The following RPS6KA2 variants were observed in gnomAD, a reference collection of about 807,000 sequenced individuals.
RPS6KA2 encodes ribosomal protein S6 kinase alpha-2.
RPS6KA2 carries 42 observed loss-of-function variants against 91.8 expected under a neutral mutation model. That is an observed-to-expected ratio of 0.46 (90% confidence interval 0.36 to 0.59). The LOEUF is 0.59. Among genes scored for constraint, RPS6KA2 ranks in the 20% least tolerant of loss-of-function variants. The pLI is 0.00. For synonymous variants in RPS6KA2, 414 were observed against 393.6 expected (o/e 1.05, Z -0.61); for missense variants, 798 against 978.5 (o/e 0.82, Z 2.46).
rs1789561510 is a variant in RPS6KA2 at position 166,702,726 on chromosome 6, G to A, written c.123+155474C>T. The A allele has an allele frequency of 2.4e-6, 3 of 1,266,740 alleles. No homozygotes were observed. In the South Asian group the frequency reaches 3.6e-5, roughly 15 times the overall value. The allele number at this position is 1,266,740 out of a possible 1,614,324, so 78.5% of individuals were successfully genotyped here. ...CGTCTGGGCAGTCCACGAACGCGTA[G>A]CCAATCTTCACCAGGAAGGGTCCCG... On this transcript the variant is annotated intron_variant, in intron 2 of 21. Transcript: ENST00000503859.
intron 2 of RPS6KA2, among the ~76,000 whole-genome samples, chr6:166,718,648 G>GAA (rs2128583554): frequency 6.6e-6 from 1 of 152,144 alleles, no homozygotes; most frequent in African/African-American, 2.4e-5. Flanking sequence ...ATGAGGACAT[G>GAA]CACCCGAGAA....
chr6:166,512,645 GGTGGTGACC>G (rs1366600921), intron 3 of RPS6KA2, among the ~76,000 whole-genome samples: 1 of 152,186 alleles, frequency 6.6e-6, no homozygotes, highest in African/African-American at 2.4e-5. Flanking sequence ...CGGGGGCCCA[GGTGGTGACC>G]GTGGTGTATG....
intron 2 of RPS6KA2, among the ~76,000 whole-genome samples, chr6:166,747,451 T>C (rs1245941144): frequency 6.6e-6 from 1 of 152,194 alleles, no homozygotes; most frequent in Non-Finnish European, 1.5e-5. Context: ...TTTCAAACTT[T>C]TGCACACCGA....
At chr6:166,549,437 T>TTCATCA (rs1554289305) in intron 1 of RPS6KA2, among the ~76,000 whole-genome samples, 2,263 of 152,296 alleles carry the variant, frequency 0.015, 47 homozygotes, top group African/African-American at 0.051. Context: ...TTCAACAAGC[T>TTCATCA]GCAGTACATC....
In RPS6KA2 at chr6:166,585,258, G is replaced by A. The variant is rs76902170; in HGVS notation, c.99+41663C>T. Among the ~76,000 whole-genome samples the A allele has an allele frequency of 6.9e-3, 1,051 of 152,282 alleles. 8 individuals are homozygous for A. The highest frequency in any genetic ancestry group is 0.024 in the African/African-American group (999 of 41,546). ...GAAACGAAGCCGTCCTCGCTGGGAT[G>A]GACTTTCAGTCTCACATCTTCAGCA... On this transcript the variant is annotated intron_variant, in intron 1 of 20. Coordinates refer to ENST00000265678, the MANE Select transcript of RPS6KA2 (RefSeq NM_021135.6).
intron 10 of RPS6KA2, among the ~76,000 whole-genome samples, chr6:166,484,044 C>G (rs970554711): frequency 6.6e-6 from 1 of 152,222 alleles, no homozygotes; most frequent in Non-Finnish European, 1.5e-5. Flanking sequence ...TCTGAGCAGG[C>G]ACTGCGGGGG....
chr6:166,531,604 C>T (rs1396005422), intron 2 of RPS6KA2, among the ~76,000 whole-genome samples: 1 of 152,118 alleles, frequency 6.6e-6, no homozygotes, highest in Non-Finnish European at 1.5e-5. Context: ...TTTTGAAGAC[C>T]AGCTGTTTAG....
chr6:166,415,569 C>G (rs149360892), intron 19 of RPS6KA2, among the ~76,000 whole-genome samples: 2 of 152,162 alleles, frequency 1.3e-5, no homozygotes, highest in African/African-American at 4.8e-5. Context: ...CCTGCAGCAG[C>G]GATCTTGACA....
In RPS6KA2 at chr6:166,798,057, T is replaced by G. The variant is rs553475707; in HGVS notation, c.123+60143A>C. Among the ~76,000 whole-genome samples, 34 of 152,362 alleles carry G rather than the reference T, an allele frequency of 2.2e-4. No homozygotes were observed. The South Asian group carries it at 7.0e-3, about 32-fold the overall frequency. On this transcript the variant is annotated intron_variant, in intron 2 of 21. Transcript: ENST00000503859. ...TACCGTTGGTTGGTCAGGTAGGCCA[T>G]GAGAACCAACCAGAGATCAAACAGA... is the stretch of plus-strand genomic sequence containing the variant.
Position 166,767,905 on chromosome 6 carries a change from TG to T in RPS6KA2, c.123+90294del, listed in dbSNP as rs1778364506. Among the ~76,000 whole-genome samples the T allele has an allele frequency of 1.3e-5, 2 of 152,012 alleles. No individual in the cohort carries two copies. Among genetic ancestry groups the T allele is most frequent in the Non-Finnish European group, 2.9e-5 (2 of 67,996 alleles). On this transcript the variant is annotated intron_variant, in intron 2 of 21. Transcript: ENST00000503859. This position sits in a 1 kb window ranked among gnomAD's most constrained non-coding sequence, Gnocchi z 4.6. ...GCTCTCACTGTTTGGGTGCAAACCT[TG>T]GGGGTTTTATTTTTCCACGACTGTG...
chr6:166,459,009 C>A lies in RPS6KA2; in HGVS notation c.1075+440G>T, dbSNP rs535362561. On this transcript the variant is annotated intron_variant, in intron 12 of 20. Transcript: ENST00000265678. This position sits in a 1 kb window ranked among gnomAD's most constrained non-coding sequence, Gnocchi z 4.9. ...ATCCAATTGCTGTGCTATTTAGTAG[C>A]CGATACTACTTTTCAAATGGGTTTC... is the stretch of plus-strand genomic sequence containing the variant. Among the ~76,000 whole-genome samples, 1 of 152,200 alleles carries A rather than the reference C, an allele frequency of 6.6e-6. No homozygotes were observed. The highest frequency in any genetic ancestry group is 1.9e-4 in the East Asian group (1 of 5,204).
intron 2 of RPS6KA2, among the ~76,000 whole-genome samples, chr6:166,840,538 G>A (rs577847199): frequency 3.9e-5 from 6 of 152,088 alleles, no homozygotes; most frequent in South Asian, 2.1e-4. Context: ...TCCTTTCCTC[G>A]CCATTTCTCC....
intron 2 of RPS6KA2, among the ~76,000 whole-genome samples, chr6:166,721,977 CAT>C (rs1386403275): frequency 6.6e-6 from 1 of 152,172 alleles, no homozygotes; most frequent in Non-Finnish European, 1.5e-5. Context: ...ACATTTCACA[CAT>C]ATAGACTCAT....
chr6:166,538,559 C>A, intron 2 of RPS6KA2, 109 bp downstream of exon 2: 1 of 657,144 alleles, frequency 1.5e-6, no homozygotes. Flanking sequence ...TTCCCGTGAT[C>A]GCAGCCCTGC....
intron 2 of RPS6KA2, among the ~76,000 whole-genome samples, chr6:166,683,314 C>T (rs1289371899): frequency 6.6e-6 from 1 of 152,214 alleles, no homozygotes; most frequent in Non-Finnish European, 1.5e-5. Flanking sequence ...TCTCCTAACT[C>T]AGAGTTACAT....
At chr6:166,487,842 G>A (rs776613747) in intron 10 of RPS6KA2, among the ~76,000 whole-genome samples, 3 of 152,178 alleles carry the variant, frequency 2.0e-5, no homozygotes, top group Non-Finnish European at 4.4e-5. Context: ...CTCACATTGT[G>A]AAATATGACT....
At chr6:166,714,775 G>C (rs1789965246) in intron 2 of RPS6KA2, among the ~76,000 whole-genome samples, 1 of 152,242 alleles carries the variant, frequency 6.6e-6, no homozygotes, top group South Asian at 2.1e-4. Context: ...CTCTGGATGG[G>C]AGAGAACAGA....
chr6:166,702,985 G>A (rs1789571198), intron 2 of RPS6KA2: 4 of 531,870 alleles, frequency 7.5e-6, no homozygotes, highest in South Asian at 5.1e-5. Context: ...GCACAAGAAC[G>A]AGGAGCAAAA....
In RPS6KA2 at chr6:166,437,256, T is replaced by A. The variant is rs1236378567; in HGVS notation, c.1333-4766A>T. 6.6e-6 allele frequency among the ~76,000 whole-genome samples: 1 copy of A among 151,968 alleles called. No homozygotes were observed. The highest frequency in any genetic ancestry group is 1.5e-5 in the Non-Finnish European group (1 of 67,994). On this transcript the variant is annotated intron_variant, in intron 14 of 20. Coordinates refer to ENST00000265678, the MANE Select transcript of RPS6KA2 (RefSeq NM_021135.6). The surrounding 1 kb of genome is among the most constrained non-coding windows in gnomAD (Gnocchi z 4.3). ...GCGCACTTCTTCTCTATGGGGTCGGTTTCTTGGGGTTGACCGTGTTGGTCT... is the reference window on the plus strand; with the variant it reads ...GCGCACTTCTTCTCTATGGGGTCGGATTCTTGGGGTTGACCGTGTTGGTCT...
Sources: allele counts gnomAD v4.1 joint callset (sites outside exome capture counted in the v4.1 genomes callset), GRCh38; gene constraint gnomAD v4.1.1; non-coding constraint Gnocchi (gnomAD v3.1); transcripts MANE v1.5; gene names NCBI Gene and HGNC (gene_info 2026-07-23, HGNC 2026-07-21).